SNX11: variants seen among roughly 807,000 people sequenced by gnomAD.
The protein encoded by SNX11 is sorting nexin-11.
SNX11 carries 19 observed loss-of-function variants against 30.7 expected under a neutral mutation model. That is an observed-to-expected ratio of 0.62 (90% CI 0.43 to 0.91). SNX11 has a LOEUF of 0.91. Ranked by LOEUF, SNX11 falls within the 40% of genes least tolerant of loss-of-function variation. The probability of loss-of-function intolerance (pLI) is 0.00; values close to 1 mark genes in which losing one functional copy is unlikely to be tolerated. For synonymous variants in SNX11, 112 were observed against 119.0 expected, an observed-to-expected ratio of 0.94 and a Z score of 0.38; for missense variants, 302 against 326.7, an observed-to-expected ratio of 0.92 and a Z score of 0.58.
At chr17:48,112,455 AAATGAAAGTTGGTGTTGAGTG>A (rs1295895897) in intron 2 of SNX11, 98 bp from the exon 3 acceptor site, 5 of 710,950 alleles carry the variant, frequency 7.0e-6, no homozygotes, top group South Asian at 3.3e-5. Context: ...TGAATTGAAT[AAATGAAAGTTGGTGTTGAGTG>A]AATGAAAGTT....
At chr17:48,115,131 G>A (rs902438989) in intron 4 of SNX11, among the ~76,000 whole-genome samples, 5 of 145,834 alleles carry the variant, frequency 3.4e-5, no homozygotes, top group African/African-American at 5.1e-5. Context: ...GTGTGATCTC[G>A]GCTCACTGCT....
At chr17:48,118,514 G>A (rs766058607) in intron 4 of SNX11, among the ~76,000 whole-genome samples, 190 bp from the exon 5 acceptor site, 11 of 150,040 alleles carry the variant, frequency 7.3e-5, no homozygotes, top group African/African-American at 2.0e-4. Flanking sequence ...GGAGGCAGAC[G>A]TTGCAGTAAG....
chr17:48,120,510 T>TTC (rs2063588297), intron 6 of SNX11, among the ~76,000 whole-genome samples: 1 of 131,522 alleles, frequency 7.6e-6, no homozygotes, highest in South Asian at 2.7e-4. Context: ...ACCTGGCCTT[T>TTC]TTTTTTTTTT....
intron 6 of SNX11, 67 bp from the exon 7 acceptor site, chr17:48,121,168 A>G: frequency 6.6e-7 from 1 of 1,517,994 alleles, no homozygotes; most frequent in Non-Finnish European, 9.0e-7. Context: ...TTTTTTGTAG[A>G]GACGGAGTCT....
chr17:48,116,575 CT>C (rs77655481), intron 4 of SNX11, among the ~76,000 whole-genome samples: 601 of 140,196 alleles, frequency 4.3e-3, no homozygotes, highest in African/African-American at 9.0e-3. Context: ...TTCTTTTTTC[CT>C]TTTTTTTTTT....
chr17:48,120,276 G>T lies in SNX11; in HGVS notation c.540-959G>T, dbSNP rs111769388. On this transcript the variant is annotated intron_variant, in intron 6 of 6. Coordinates refer to ENST00000359238, the MANE Select transcript of SNX11 (RefSeq NM_013323.3). Reference sequence around the variant, plus strand: ...GGCTGGAATGCAGTGGCATGATCTCGGCTCACTGCAACCTCCGCCTCCCAG... The same window carrying T: ...GGCTGGAATGCAGTGGCATGATCTCTGCTCACTGCAACCTCCGCCTCCCAG... 1.5e-3 allele frequency among the ~76,000 whole-genome samples: 212 copies of T among 139,728 alleles called. 5 individuals carry two copies. Among genetic ancestry groups the T allele is most frequent in the African/African-American group, 5.5e-3 (207 of 37,510 alleles). The allele number at this position is 139,728 out of a possible 152,430, so 91.7% of individuals were successfully genotyped here.
In SNX11 at chr17:48,118,754, A is replaced by C; in HGVS notation, c.281A>C (p.Glu94Ala). 6.2e-7 allele frequency: 1 copy of C among 1,614,072 alleles called. No homozygotes were observed. Among genetic ancestry groups the C allele is most frequent in the Non-Finnish European group, 8.5e-7 (1 of 1,179,984 alleles). ...GKSTFFGTSD[E>A]FIEKRRQGLQ... ...TCAACCTTCTTCGGCACCTCAGATG[A>C]GTTCATTGAGAAGCGACGACAAGGT... The change falls in exon 5 of 7, where the codon GAG (glutamate) becomes GCG (alanine). Residue 94 changes from glutamate to alanine, a missense_variant. Coordinates refer to ENST00000359238, the MANE Select transcript of SNX11 (RefSeq NM_013323.3).
intron 4 of SNX11, among the ~76,000 whole-genome samples, chr17:48,117,901 T>A (rs2063561313): frequency 6.6e-6 from 1 of 152,106 alleles, no homozygotes; most frequent in African/African-American, 2.4e-5. Context: ...GTAGTCATAG[T>A]TATTCTGGGA....
intron 1 of SNX11, among the ~76,000 whole-genome samples, chr17:48,109,176 G>A (rs2063465352): frequency 6.6e-6 from 1 of 151,436 alleles, no homozygotes; most frequent in Non-Finnish European, 1.5e-5. Flanking sequence ...CAAGTGTTCT[G>A]CCCGCCTCAG....
chr17:48,119,587 G>A (rs945808345), intron 6 of SNX11, among the ~76,000 whole-genome samples: 1 of 152,096 alleles, frequency 6.6e-6, no homozygotes, highest in Non-Finnish European at 1.5e-5. Flanking sequence ...GAGTAGCTGG[G>A]ATTACAGGCA....
In SNX11 at chr17:48,121,493, A is replaced by C; in HGVS notation, c.798A>C (p.Thr266=). The C allele has an allele frequency of 6.2e-7, 1 of 1,613,568 alleles. No individual in the cohort carries two copies. Among genetic ancestry groups the C allele is most frequent in the Non-Finnish European group, 8.5e-7 (1 of 1,179,974 alleles). ...CTTTGGACCCTGGTCAGTTAGAAACAGTTTTGGAAAAGTGAGCTCTGGGTT... is the reference window on the plus strand; with the variant it reads ...CTTTGGACCCTGGTCAGTTAGAAACCGTTTTGGAAAAGTGAGCTCTGGGTT... ...AVPLDPGQLE[T]VLEK Residue 266 remains threonine (T), a synonymous_variant, in exon 7 of 7, where the codon ACA becomes ACC. Transcript: ENST00000359238.
intron 1 of SNX11, among the ~76,000 whole-genome samples, chr17:48,109,407 G>A (rs2063468434): frequency 6.8e-6 from 1 of 146,194 alleles, no homozygotes; most frequent in African/African-American, 2.6e-5. Context: ...CTACAGGCAC[G>A]CGCCACCATG....
chr17:48,117,490 C>T (rs1388676208), intron 4 of SNX11, among the ~76,000 whole-genome samples: 2 of 151,592 alleles, frequency 1.3e-5, no homozygotes, highest in Non-Finnish European at 2.9e-5. Flanking sequence ...TTTCTGACCT[C>T]GTGATCCCCA....
In SNX11 at chr17:48,121,493, A is replaced by G. The variant is rs982637730; in HGVS notation, c.798A>G (p.Thr266=). Residue 266 remains threonine (T), a synonymous_variant, in exon 7 of 7, where the codon ACA becomes ACG. Coordinates refer to ENST00000359238, the MANE Select transcript of SNX11 (RefSeq NM_013323.3). ...CTTTGGACCCTGGTCAGTTAGAAACAGTTTTGGAAAAGTGAGCTCTGGGTT... is the reference window on the plus strand; with the variant it reads ...CTTTGGACCCTGGTCAGTTAGAAACGGTTTTGGAAAAGTGAGCTCTGGGTT... The part of the protein sequence containing the change: ...AVPLDPGQLE[T]VLEK 1.9e-6 allele frequency: 3 copies of G among 1,613,568 alleles called. No individual in the cohort carries two copies. The highest frequency in any genetic ancestry group is 2.2e-5 in the South Asian group (2 of 91,046).
At chr17:48,111,835 C>A (rs2063495685) in intron 1 of SNX11, 196 bp from the exon 2 acceptor site, 6 of 561,106 alleles carry the variant, frequency 1.1e-5, no homozygotes, top group South Asian at 9.2e-5. Context: ...GGAGGCAAAT[C>A]CCCCAGGGCC....
chr17:48,108,595 T>A (rs903140952), intron 1 of SNX11, among the ~76,000 whole-genome samples: 1 of 152,258 alleles, frequency 6.6e-6, no homozygotes, highest in Non-Finnish European at 1.5e-5. Flanking sequence ...GAATCTACTT[T>A]GTAAACAGCA....
intron 1 of SNX11, among the ~76,000 whole-genome samples, chr17:48,108,178 C>T (rs1392168047): frequency 6.6e-6 from 1 of 152,154 alleles, no homozygotes; most frequent in Non-Finnish European, 1.5e-5. Context: ...ATGGCTAAGA[C>T]TGGGGGCAAT....
intron 4 of SNX11, among the ~76,000 whole-genome samples, chr17:48,117,175 C>G (rs1451622230): frequency 6.6e-6 from 1 of 152,020 alleles, no homozygotes; most frequent in Non-Finnish European, 1.5e-5. Flanking sequence ...CTGCCTCAGC[C>G]TCCCGAGTAG....
chr17:48,119,446 T>C (rs1403466856), intron 6 of SNX11, among the ~76,000 whole-genome samples: 2 of 152,070 alleles, frequency 1.3e-5, no homozygotes, highest in Admixed American at 6.6e-5. Context: ...TCCCTCCCTT[T>C]TTATTTATTT....
Sources: allele counts gnomAD v4.1 joint callset (sites outside exome capture counted in the v4.1 genomes callset), GRCh38; gene constraint gnomAD v4.1.1; transcripts MANE v1.5; gene names NCBI Gene and HGNC (gene_info 2026-07-23, HGNC 2026-07-21).